The following RIMS1 variants were observed in gnomAD, a reference collection of about 807,000 sequenced individuals.
The protein encoded by RIMS1 is regulating synaptic membrane exocytosis 1.
Under a neutral mutation model 214.1 loss-of-function variants are expected in RIMS1, and 83 were observed. The observed-to-expected ratio is 0.39, with a 90% confidence interval of 0.32 to 0.47. The LOEUF (loss-of-function observed/expected upper bound fraction) is 0.47. RIMS1 is among the 20% of genes least tolerant of loss of function. The pLI is 0.99. For synonymous variants in RIMS1, 793 were observed against 786.8 expected, an observed-to-expected ratio of 1.01 and a Z score of -0.13; for missense variants, 2,050 against 2,161.8, an observed-to-expected ratio of 0.95 and a Z score of 1.03.
intron 2 of RIMS1, among the ~76,000 whole-genome samples, chr6:72,033,851 A>G (rs1818845312): frequency 6.6e-6 from 1 of 152,168 alleles, no homozygotes. Flanking sequence ...AAGAAAAACC[A>G]TTAGGAAATT....
chr6:71,984,079 A>G (rs1053916530), intron 2 of RIMS1, among the ~76,000 whole-genome samples: 13 of 152,288 alleles, frequency 8.5e-5, no homozygotes, highest in African/African-American at 3.1e-4. Context: ...TGTATAATCA[A>G]TTGTAAGTAT....
intron 1 of RIMS1, among the ~76,000 whole-genome samples, chr6:71,887,440 A>C (rs1377245133): frequency 6.6e-6 from 1 of 152,088 alleles, no homozygotes; most frequent in Non-Finnish European, 1.5e-5. Context: ...ACTGGGGTGC[A>C]GAGGAGGGAT....
intron 22 of RIMS1, among the ~76,000 whole-genome samples, chr6:72,267,238 C>G (rs2081017232): frequency 6.6e-6 from 1 of 151,970 alleles, no homozygotes; most frequent in Admixed American, 6.6e-5. Flanking sequence ...TCAAATATAA[C>G]CCCTTCCCCA....
intron 21 of RIMS1, 151 bp from the exon 22 acceptor site, chr6:72,265,809 A>G: frequency 1.6e-6 from 1 of 611,150 alleles, no homozygotes; most frequent in South Asian, 2.2e-5. Context: ...CATTCTGTCA[A>G]CTCTCTCACA....
At chr6:71,959,627 G>A (rs1792318824) in intron 1 of RIMS1, among the ~76,000 whole-genome samples, 1 of 151,288 alleles carries the variant, frequency 6.6e-6, no homozygotes, top group South Asian at 2.1e-4. Context: ...TTAAAGTGTG[G>A]ACAACCATTA....
chr6:72,314,330 G>T (rs72933543), intron 28 of RIMS1, among the ~76,000 whole-genome samples: 2 of 152,068 alleles, frequency 1.3e-5, no homozygotes, highest in Admixed American at 6.5e-5. Flanking sequence ...AGTTATAGTC[G>T]TGTAACCTAA....
chr6:71,898,341 A>C (rs1772510243), intron 1 of RIMS1, among the ~76,000 whole-genome samples: 1 of 152,174 alleles, frequency 6.6e-6, no homozygotes, highest in African/African-American at 2.4e-5. Context: ...ATTTTTTAAT[A>C]AAAAAGGATA....
intron 16 of RIMS1, among the ~76,000 whole-genome samples, chr6:72,255,012 T>G (rs1296998381): frequency 3.3e-5 from 3 of 90,098 alleles, no homozygotes; most frequent in African/African-American, 1.1e-4. Flanking sequence ...ATTTTATGTT[T>G]CAAAGATCTC....
chr6:72,067,699 C>T (rs1829645655), intron 2 of RIMS1, among the ~76,000 whole-genome samples: 1 of 152,052 alleles, frequency 6.6e-6, no homozygotes, highest in Admixed American at 6.6e-5. Flanking sequence ...ACAATAGTAC[C>T]TGGCACATGG....
chr6:72,371,216 T>G (rs765930808), intron 29 of RIMS1, among the ~76,000 whole-genome samples: 1 of 152,170 alleles, frequency 6.6e-6, no homozygotes, highest in African/African-American at 2.4e-5. Flanking sequence ...GTGGTTCTTA[T>G]GCAAATTTAT....
intron 29 of RIMS1, among the ~76,000 whole-genome samples, chr6:72,368,105 A>G (rs528769966): frequency 7.6e-4 from 115 of 152,114 alleles, no homozygotes; most frequent in South Asian, 3.9e-3. Flanking sequence ...CTTAACATCT[A>G]TTTGGTTTTA....
chr6:72,338,469 G>T (rs1022994821), intron 29 of RIMS1, among the ~76,000 whole-genome samples: 1 of 152,000 alleles, frequency 6.6e-6, no homozygotes. Flanking sequence ...ATTGACAAAT[G>T]GGATCTAATT....
chr6:72,349,913 C>T (rs542163555), intron 29 of RIMS1, among the ~76,000 whole-genome samples: 1 of 152,108 alleles, frequency 6.6e-6, no homozygotes, highest in South Asian at 2.1e-4. Flanking sequence ...ATTCTGTGAT[C>T]TTCGGCTAAT....
chr6:72,397,653 A>G (rs1316240929), intron 31 of RIMS1, among the ~76,000 whole-genome samples: 4 of 152,336 alleles, frequency 2.6e-5, no homozygotes, highest in African/African-American at 9.6e-5. Flanking sequence ...TTATAACCCT[A>G]TTTACATACA....
chr6:72,019,136 A>C (rs1813743765), intron 2 of RIMS1, among the ~76,000 whole-genome samples: 2 of 152,142 alleles, frequency 1.3e-5, no homozygotes, highest in South Asian at 4.1e-4. Flanking sequence ...ATTACTTCAT[A>C]TTTGAGGTAT....
chr6:71,959,216 A>G (rs1182609041), intron 1 of RIMS1, among the ~76,000 whole-genome samples: 1 of 152,138 alleles, frequency 6.6e-6, no homozygotes, highest in African/African-American at 2.4e-5. Context: ...GTTTTTCTCT[A>G]ACTTTCTAGG....
chr6:72,109,483 G>T (rs1394959342), intron 4 of RIMS1, among the ~76,000 whole-genome samples: 1 of 152,082 alleles, frequency 6.6e-6, no homozygotes, highest in Non-Finnish European at 1.5e-5. Context: ...GTGTTTTTTG[G>T]TTGCATAAAT....
intron 6 of RIMS1, among the ~76,000 whole-genome samples, chr6:72,187,951 A>G (rs1482499345): frequency 2.0e-5 from 3 of 152,194 alleles, no homozygotes; most frequent in South Asian, 4.1e-4. Flanking sequence ...CTGAAGAGCA[A>G]GGAAGCCAGT....
chr6:72,032,881 T>C (rs1818544911), intron 2 of RIMS1, among the ~76,000 whole-genome samples: 1 of 152,126 alleles, frequency 6.6e-6, no homozygotes, highest in African/African-American at 2.4e-5. Context: ...GACACCTAAC[T>C]CAATCTAATA....
Sources: gnomAD v4.1 joint callset for allele counts (sites outside exome capture counted in the v4.1 genomes callset) on GRCh38, gnomAD v4.1.1 for gene constraint, MANE v1.5 for transcripts, NCBI Gene and HGNC (gene_info 2026-07-23, HGNC 2026-07-21) for gene names.